The following ANKRD17 variants were observed in gnomAD, a reference collection of about 807,000 sequenced individuals.
ANKRD17 encodes ankyrin repeat domain 17, also known as ankyrin repeat domain-containing protein 17.
ANKRD17 carries 19 observed loss-of-function variants against 229.7 expected under a neutral mutation model. The observed-to-expected ratio is 0.08, with a 90% CI of 0.06 to 0.12. The LOEUF (loss-of-function observed/expected upper bound fraction) is 0.12, where lower values mean the gene tolerates loss of function less well. Ranked by LOEUF, ANKRD17 falls within the 10% of genes least tolerant of loss-of-function variation. ANKRD17 has a pLI of 1.00. For synonymous variants in ANKRD17, 1,112 were observed against 1,146.1 expected (o/e 0.97, Z 0.60); for missense variants, 2,176 against 3,176.8 (o/e 0.68, Z 7.57).
At chr4:73,237,387 A>C (rs567923816) in intron 1 of ANKRD17, among the ~76,000 whole-genome samples, 1 of 152,350 alleles carries the variant, frequency 6.6e-6, no homozygotes, top group African/African-American at 2.4e-5. Context: ...TCATATGAAA[A>C]GACATCTCAC....
intron 25 of ANKRD17, chr4:73,099,138 A>G (rs1723645815): frequency 1.4e-6 from 1 of 707,270 alleles, no homozygotes; most frequent in Non-Finnish European, 2.6e-6. Context: ...TCAGAGGAGG[A>G]GCAGTGACCG....
chr4:73,092,045 G>C lies in ANKRD17; in HGVS notation c.5583C>G (p.Ser1861=), dbSNP rs1289368372. 2 of 1,614,178 alleles carry C rather than the reference G, an allele frequency of 1.2e-6. No individual in the cohort carries two copies. The highest frequency in any genetic ancestry group is 1.1e-5 in the South Asian group (1 of 91,082). Residue 1861 remains serine, a synonymous_variant, in exon 29 of 34, where the codon TCC becomes TCG. Transcript: ENST00000358602. Reference sequence around the variant, plus strand: ...CTGGGTTCTTAATGGTTTTGTGAGTGGATGCAGAAGAAATTGCAGGCACAG... The same window carrying C: ...CTGGGTTCTTAATGGTTTTGTGAGTCGATGCAGAAGAAATTGCAGGCACAG... The part of the protein sequence containing the change: ...ALTVPAISSA[S]THKTIKNPVN...
At chr4:73,207,661 A>C (rs1170493730) in intron 1 of ANKRD17, among the ~76,000 whole-genome samples, 2 of 152,248 alleles carry the variant, frequency 1.3e-5, no homozygotes, top group Non-Finnish European at 2.9e-5. Context: ...AAAACAACAA[A>C]TATTAACAAA....
chr4:73,186,810 G>A (rs1736355875), intron 1 of ANKRD17, among the ~76,000 whole-genome samples: 1 of 152,044 alleles, frequency 6.6e-6, no homozygotes, highest in African/African-American at 2.4e-5. Context: ...AAAGTTATAT[G>A]GTTTGTCAAA....
chr4:73,159,533 T>G (rs1193727508), intron 3 of ANKRD17, among the ~76,000 whole-genome samples: 1 of 152,196 alleles, frequency 6.6e-6, no homozygotes, highest in African/African-American at 2.4e-5. Flanking sequence ...TGCACTTAAG[T>G]CCACCATCTT....
intron 15 of ANKRD17, among the ~76,000 whole-genome samples, chr4:73,135,977 C>T (rs1220967622): frequency 6.6e-6 from 1 of 152,166 alleles, no homozygotes; most frequent in Non-Finnish European, 1.5e-5. Flanking sequence ...AATGTATGCA[C>T]ACAAACATTC....
chr4:73,151,708 C>A (rs545615642), intron 6 of ANKRD17, among the ~76,000 whole-genome samples, 184 bp from the exon 7 acceptor site: 1 of 152,164 alleles, frequency 6.6e-6, no homozygotes, highest in South Asian at 2.1e-4. Flanking sequence ...GCTGTTCTAC[C>A]CCTTACCCTA....
chr4:73,232,118 A>T lies in ANKRD17; in HGVS notation c.393+26158T>A, dbSNP rs75031457. On this transcript the variant is annotated intron_variant, in intron 1 of 33. Transcript: ENST00000358602. The stretch of plus-strand genomic sequence containing the variant: ...CAAGAAGGGGATCATGAGAACCCTG[A>T]TTTATAGGCCATGGGACACACAATG... Among the ~76,000 whole-genome samples, 638 of 152,340 alleles carry T rather than the reference A, an allele frequency of 4.2e-3. 4 individuals are homozygous for T. The highest frequency in any genetic ancestry group is 0.015 in the African/African-American group (616 of 41,582).
chr4:73,190,590 A>G (rs967263767), intron 1 of ANKRD17, among the ~76,000 whole-genome samples: 7 of 151,582 alleles, frequency 4.6e-5, no homozygotes, highest in African/African-American at 1.7e-4. Context: ...AAAACCTGTA[A>G]GGGTGTAAAC....
At position 73,140,199 on chromosome 4, in the gene ANKRD17, C is replaced by T; in HGVS notation, c.2417G>A (p.Ser806Asn). The change falls in exon 15 of 34, where the codon AGC (serine) becomes AAC (asparagine). Residue 806 changes from serine (S) to asparagine (N), a missense_variant. Transcript: ENST00000358602. ...CTTTCCCTGAGCCTCTTCTACAATG[C>T]TCTCTGGAGACTGATTGGTGATGTA... ...QGYITNQSPE[S>N]IVEEAQGKLT... 6.2e-7 allele frequency: 1 copy of T among 1,614,030 alleles called. No homozygotes were observed.
chr4:73,111,148 C>T (rs980083591), intron 24 of ANKRD17, among the ~76,000 whole-genome samples: 6 of 152,004 alleles, frequency 3.9e-5, no homozygotes, highest in African/African-American at 1.2e-4. Context: ...GTACTGGACC[C>T]TGTATATATA....
intron 16 of ANKRD17, among the ~76,000 whole-genome samples, chr4:73,134,377 A>C (rs1728622979): frequency 6.6e-6 from 1 of 152,150 alleles, no homozygotes; most frequent in African/African-American, 2.4e-5. Flanking sequence ...GTAAACTGCA[A>C]ACATTTCTTA....
chr4:73,203,563 C>T (rs993611420), intron 1 of ANKRD17, among the ~76,000 whole-genome samples: 12 of 151,790 alleles, frequency 7.9e-5, no homozygotes, highest in African/African-American at 2.7e-4. Context: ...CGAGACCATC[C>T]TGGCTAACAT....
chr4:73,244,236 C>T (rs1467208552), intron 1 of ANKRD17, among the ~76,000 whole-genome samples: 1 of 152,084 alleles, frequency 6.6e-6, no homozygotes, highest in Admixed American at 6.6e-5. Flanking sequence ...TTCTGAAATA[C>T]TTGGGGTTAG....
At position 73,090,940 on chromosome 4, in the gene ANKRD17, A is replaced by G; in HGVS notation, c.6688T>C (p.Cys2230Arg). Reference sequence around the variant, plus strand: ...TTTGCTGGATGTACTGAATTCTGACAAGCACTTTGTGTACTTAAGGTCGAA... The same window carrying G: ...TTTGCTGGATGTACTGAATTCTGACGAGCACTTTGTGTACTTAAGGTCGAA... Reference protein sequence around the residue: ...LPSTLSTQSACQNSVHPANKP... With the variant: ...LPSTLSTQSARQNSVHPANKP... Residue 2230 changes from cysteine (C) to arginine (R), a missense_variant, in exon 29 of 34, where the codon TGT (cysteine) becomes CGT (arginine). Around this residue, in one of 18 missense-constraint regions of ANKRD17, gnomAD observed 424 missense variants for 454.0 expected, o/e 0.93. Coordinates refer to ENST00000358602, the MANE Select transcript of ANKRD17 (RefSeq NM_032217.5). 6.2e-7 allele frequency: 1 copy of G among 1,614,228 alleles called. No homozygotes were observed. Among genetic ancestry groups the G allele is most frequent in the Non-Finnish European group, 8.5e-7 (1 of 1,180,046 alleles).
intron 28 of ANKRD17, among the ~76,000 whole-genome samples, 165 bp downstream of exon 28, chr4:73,093,914 G>A (rs1419127863): frequency 6.6e-6 from 1 of 151,938 alleles, no homozygotes; most frequent in Admixed American, 6.5e-5. Flanking sequence ...TATTACCTAG[G>A]AAAAAAGAAA....
chr4:73,162,716 C>CTA (rs1732692768), intron 2 of ANKRD17, among the ~76,000 whole-genome samples: 1 of 152,036 alleles, frequency 6.6e-6, no homozygotes, highest in Non-Finnish European at 1.5e-5. Flanking sequence ...TAGTAACCAT[C>CTA]TATATGAAAC....
At chr4:73,195,641 T>C (rs1382588303) in intron 1 of ANKRD17, among the ~76,000 whole-genome samples, 2 of 152,030 alleles carry the variant, frequency 1.3e-5, no homozygotes, top group African/African-American at 4.8e-5. Flanking sequence ...CCCGAGTAGC[T>C]GAGACTACAG....
chr4:73,126,303 C>T (rs1727460874), intron 16 of ANKRD17, among the ~76,000 whole-genome samples: 1 of 152,050 alleles, frequency 6.6e-6, no homozygotes, highest in African/African-American at 2.4e-5. Flanking sequence ...GAGAGTCAGG[C>T]TGAATAATAC....
Sources: allele counts gnomAD v4.1 joint callset (sites outside exome capture counted in the v4.1 genomes callset), GRCh38; gene constraint gnomAD v4.1.1; regional missense constraint gnomAD v4.1.1; transcripts MANE v1.5; gene names NCBI Gene and HGNC (gene_info 2026-07-23, HGNC 2026-07-21).